Variants in NRXN3 observed in about 807,000 individuals in gnomAD.
NRXN3 encodes the protein neurexin 3, also known as neurexin III.
A neutral mutation model predicts 137.6 loss-of-function variants in NRXN3; 32 were observed. That is an observed-to-expected ratio of 0.23 (90% CI 0.18 to 0.31). NRXN3 has a LOEUF of 0.31. Ranked by LOEUF, NRXN3 falls within the 10% of genes least tolerant of loss-of-function variation. The probability of loss-of-function intolerance (pLI) is 1.00; values close to 1 mark genes in which losing one functional copy is unlikely to be tolerated. For missense variants in NRXN3, 1,574 were observed against 2,062.5 expected, an observed-to-expected ratio of 0.76 and a Z score of 4.59; for synonymous variants, 798 against 784.5, an observed-to-expected ratio of 1.02 and a Z score of -0.29.
chr14:78,513,006 T>A (rs2096137457), intron 4 of NRXN3, among the ~76,000 whole-genome samples: 1 of 152,204 alleles, frequency 6.6e-6, no homozygotes, highest in African/African-American at 2.4e-5. Context: ...CCAGCACATC[T>A]CATCCCAGAG....
At chr14:78,818,133 T>G (rs1406872314) in intron 10 of NRXN3, among the ~76,000 whole-genome samples, 1 of 151,622 alleles carries the variant, frequency 6.6e-6, no homozygotes, top group Non-Finnish European at 1.5e-5. Flanking sequence ...GTTAAATTAG[T>G]GTACATGGTT....
intron 16 of NRXN3, among the ~76,000 whole-genome samples, chr14:79,629,576 T>C (rs1015068447): frequency 6.6e-6 from 1 of 152,126 alleles, no homozygotes; most frequent in Non-Finnish European, 1.5e-5. Context: ...TAGAATTTAA[T>C]TAAAGGCACA....
chr14:79,733,399 C>A (rs2098930904), intron 19 of NRXN3, among the ~76,000 whole-genome samples: 1 of 152,128 alleles, frequency 6.6e-6, no homozygotes, highest in Admixed American at 6.5e-5. Context: ...CTTTGGGAAA[C>A]CGTTTTAATA....
At chr14:78,733,782 C>T (rs2098528039) in intron 8 of NRXN3, among the ~76,000 whole-genome samples, 1 of 152,174 alleles carries the variant, frequency 6.6e-6, no homozygotes, top group Non-Finnish European at 1.5e-5. Flanking sequence ...TCTGTTACCA[C>T]TGTGGTTTAC....
intron 9 of NRXN3, among the ~76,000 whole-genome samples, chr14:78,809,641 T>G (rs898875579): frequency 3.3e-5 from 5 of 152,202 alleles, no homozygotes; most frequent in African/African-American, 9.6e-5. Flanking sequence ...CCAGGTGGTG[T>G]TAACCCTTTC....
intron 15 of NRXN3, among the ~76,000 whole-genome samples, chr14:79,153,507 A>G (rs993226753): frequency 9.9e-5 from 15 of 151,924 alleles, no homozygotes; most frequent in African/African-American, 2.9e-4. Context: ...TAAATGCTTA[A>G]TATGTCAGTG....
rs2098804934 is a variant in NRXN3 at position 78,791,477 on chromosome 14, T to C, written c.2045-12143T>C. Among the ~76,000 whole-genome samples the C allele has an allele frequency of 2.0e-5, 3 of 152,116 alleles. No individual in the cohort carries two copies. In the South Asian group the frequency reaches 6.2e-4, roughly 32 times the overall value. On this transcript the variant is annotated intron_variant, in intron 8 of 20. Coordinates refer to ENST00000335750, the MANE Select transcript of NRXN3 (RefSeq NM_001330195.2). ...ATGAGCCTGCTAGCCCCACCTATGTTCCTAAAGTACAGTACTATCCACTTG... is the reference window on the plus strand; with the variant it reads ...ATGAGCCTGCTAGCCCCACCTATGTCCCTAAAGTACAGTACTATCCACTTG...
intron 1 of NRXN3, among the ~76,000 whole-genome samples, chr14:78,219,559 T>C (rs1483793564): frequency 6.6e-6 from 1 of 152,204 alleles, no homozygotes; most frequent in Non-Finnish European, 1.5e-5. Context: ...TTGAACAAGT[T>C]ACTTAGACTC....
At chr14:78,747,946 A>T (rs991049254) in intron 8 of NRXN3, among the ~76,000 whole-genome samples, 1 of 152,138 alleles carries the variant, frequency 6.6e-6, no homozygotes, top group Admixed American at 6.5e-5. Context: ...GGATAAATGC[A>T]TTTTTTAAAG....
chr14:79,607,601 A>C (rs1031593882), intron 16 of NRXN3, among the ~76,000 whole-genome samples: 1 of 152,182 alleles, frequency 6.6e-6, no homozygotes, highest in Non-Finnish European at 1.5e-5. Context: ...TAATTAAAGC[A>C]GAGGGAATAA....
intron 4 of NRXN3, among the ~76,000 whole-genome samples, chr14:78,304,827 C>T (rs976521315): frequency 6.6e-6 from 1 of 152,178 alleles, no homozygotes; most frequent in Non-Finnish European, 1.5e-5. Context: ...GTAGTCTCCA[C>T]TCTGTTCCAG....
rs188161483 is a variant in NRXN3 at position 79,505,374 on chromosome 14, A to G, written c.3444+37972A>G. 9.9e-5 allele frequency among the ~76,000 whole-genome samples: 15 copies of G among 152,234 alleles called. No homozygotes were observed. The East Asian group carries it at 2.9e-3, about 30-fold the overall frequency. The stretch of plus-strand genomic sequence containing the variant: ...TCATTCTGGGAGTTGGCCAGTAGAG[A>G]TGCTACCATCTTCAGCATGTCTTCC... On this transcript the variant is annotated intron_variant, in intron 16 of 20. Coordinates refer to ENST00000335750, the MANE Select transcript of NRXN3 (RefSeq NM_001330195.2).
At chr14:79,336,892 T>C (rs915354972) in intron 15 of NRXN3, among the ~76,000 whole-genome samples, 1 of 152,120 alleles carries the variant, frequency 6.6e-6, no homozygotes, top group African/African-American at 2.4e-5. Context: ...ATTTTACTAT[T>C]GATAAAATAC....
At chr14:79,829,087 C>A (rs1423795414) in intron 20 of NRXN3, among the ~76,000 whole-genome samples, 3 of 152,090 alleles carry the variant, frequency 2.0e-5, no homozygotes, top group African/African-American at 7.2e-5. Context: ...TTTGAAGTTG[C>A]CAATCATTTA....
chr14:79,132,653 C>G (rs2057704728), intron 15 of NRXN3, among the ~76,000 whole-genome samples: 1 of 152,140 alleles, frequency 6.6e-6, no homozygotes, highest in Non-Finnish European at 1.5e-5. Context: ...TTTACATTAA[C>G]TTTATTTGGT....
intron 17 of NRXN3, among the ~76,000 whole-genome samples, chr14:79,691,159 TA>T (rs2098715003): frequency 6.6e-6 from 1 of 152,064 alleles, no homozygotes; most frequent in African/African-American, 2.4e-5. Flanking sequence ...AAGTCTGTCC[TA>T]ATTATGGAAA....
chr14:78,226,137 G>A (rs1419479200), intron 1 of NRXN3, among the ~76,000 whole-genome samples: 1 of 152,078 alleles, frequency 6.6e-6, no homozygotes, highest in Middle Eastern at 3.2e-3. Context: ...CTGATTAGGT[G>A]GGATTACAGG....
intron 10 of NRXN3, among the ~76,000 whole-genome samples, chr14:78,953,042 G>A (rs1362089195): frequency 6.6e-6 from 1 of 152,140 alleles, no homozygotes; most frequent in Non-Finnish European, 1.5e-5. Flanking sequence ...TTGTAGTCTT[G>A]CTGCTTATAT....
intron 16 of NRXN3, among the ~76,000 whole-genome samples, chr14:79,602,051 T>C (rs1427477103): frequency 2.6e-5 from 4 of 152,222 alleles, no homozygotes; most frequent in Non-Finnish European, 5.9e-5. Context: ...AAATTTTCTT[T>C]GATTTAAAAC....
Sources: allele counts gnomAD v4.1 joint callset (sites outside exome capture counted in the v4.1 genomes callset), GRCh38; gene constraint gnomAD v4.1.1; transcripts MANE v1.5; gene names NCBI Gene and HGNC (gene_info 2026-07-23, HGNC 2026-07-21).